The following ASIC1 variants were observed in gnomAD, a reference collection of about 807,000 sequenced individuals.
ASIC1 encodes the protein acid sensing ion channel subunit 1, also known as acid-sensing ion channel 1.
A neutral mutation model predicts 63.4 loss-of-function variants in ASIC1; 21 were observed. The ratio of observed to expected loss-of-function variants is 0.33; its 90% confidence interval spans 0.23 to 0.48. The LOEUF (loss-of-function observed/expected upper bound fraction) is 0.48, where lower values mean the gene tolerates loss of function less well. Ranked by LOEUF, ASIC1 falls within the 20% of genes least tolerant of loss-of-function variation. The pLI, the probability that ASIC1 is intolerant of heterozygous loss-of-function variation, is 0.99. For missense variants in ASIC1, 478 were observed against 695.5 expected (o/e 0.69, Z 3.52); for synonymous variants, 258 against 278.2 (o/e 0.93, Z 0.72).
chr12:50,077,489 C>A, intron 4 of ASIC1, 126 bp downstream of exon 4: 3 of 1,332,416 alleles, frequency 2.3e-6, no homozygotes, highest in Non-Finnish European at 3.1e-6. Context: ...CAGCATCTCA[C>A]CATCTCTATC....
chr12:50,073,615 T>C, intron 3 of ASIC1: 1 of 1,534,428 alleles, frequency 6.5e-7, no homozygotes, highest in Non-Finnish European at 8.7e-7. Flanking sequence ...CTCCATGTCA[T>C]TCTCCTCTGG....
At chr12:50,079,816 C>T in intron 7 of ASIC1, 86 bp from the exon 8 acceptor site, 1 of 1,468,348 alleles carries the variant, frequency 6.8e-7, no homozygotes, top group Non-Finnish European at 9.1e-7. Context: ...CCCAGAGTTT[C>T]TCTGGGCAGA....
At chr12:50,066,366 G>A (rs1261647341) in intron 3 of ASIC1, among the ~76,000 whole-genome samples, 1 of 152,156 alleles carries the variant, frequency 6.6e-6, no homozygotes, top group Non-Finnish European at 1.5e-5. Context: ...GTGGCTGTAG[G>A]AGTGTGTATG....
In ASIC1 at chr12:50,081,260, G is replaced by A. The variant is rs1362795589; in HGVS notation, c.1378G>A (p.Val460Ile). The A allele has an allele frequency of 3.7e-6, 6 of 1,607,694 alleles. No homozygotes were observed. The highest frequency in any genetic ancestry group is 1.3e-5 in the African/African-American group (1 of 74,956). The change falls in exon 11 of 12, where the codon GTC (valine) becomes ATC (isoleucine). Residue 460 changes from valine to isoleucine, a missense_variant and splice_region_variant. By Grantham distance (29) the Val-to-Ile change is conservative. This residue lies in a region of ASIC1 where 104 missense variants were observed against 97.0 expected (regional missense o/e 1.07). Transcript: ENST00000447966. ...VLELFDYAYEVIKHKLCRRGK... is the reference protein window; with the variant it reads ...VLELFDYAYEIIKHKLCRRGK... ...CCCACCTGCCCCGTCCCCGTCCTAGGTCATTAAGCACAAGCTGTGCCGACG... is the reference window on the plus strand; with the variant it reads ...CCCACCTGCCCCGTCCCCGTCCTAGATCATTAAGCACAAGCTGTGCCGACG...
rs940851941 is a variant in ASIC1, at chr12:50,070,009, G to A, written c.559-7204G>A. 3.9e-5 allele frequency among the ~76,000 whole-genome samples: 6 copies of A among 152,156 alleles called. No homozygotes were observed. In the South Asian group the frequency reaches 1.2e-3, roughly 31 times the overall value. On this transcript the variant is annotated intron_variant, in intron 3 of 11. Coordinates refer to ENST00000447966, the MANE Select transcript of ASIC1 (RefSeq NM_001095.4). ...TGCTTATTTCACTGGGTTGTGTGAGGATCCCATGAGATAACAATTGAAAAC... is the reference window on the plus strand; with the variant it reads ...TGCTTATTTCACTGGGTTGTGTGAGAATCCCATGAGATAACAATTGAAAAC...
chr12:50,073,590 C>T (rs761961064), intron 3 of ASIC1: 1 of 1,518,378 alleles, frequency 6.6e-7, no homozygotes, highest in South Asian at 1.2e-5. Flanking sequence ...AGAAAATGCC[C>T]ATCCAGATCT....
chr12:50,080,065 C>T lies in ASIC1; in HGVS notation c.1205+10C>T. 1.2e-6 allele frequency: 2 copies of T among 1,603,368 alleles called. No homozygotes were observed. Among genetic ancestry groups the T allele is most frequent in the African/African-American group, 1.3e-5 (1 of 74,644 alleles). On this transcript the variant is annotated intron_variant, in intron 8 of 11. Transcript: ENST00000447966. ...CTGAGCAATACATAGGGTAAGGGCTCTGGCTGGGTAGAGCAAGGCCCTTGG... is the reference window on the plus strand; with the variant it reads ...CTGAGCAATACATAGGGTAAGGGCTTTGGCTGGGTAGAGCAAGGCCCTTGG...
At chr12:50,061,705 C>T (rs1284518895) in intron 3 of ASIC1, among the ~76,000 whole-genome samples, 1 of 152,172 alleles carries the variant, frequency 6.6e-6, no homozygotes, top group Non-Finnish European at 1.5e-5. Flanking sequence ...TAAATTTGGG[C>T]ACAGTTAGTC....
At position 50,083,459 on chromosome 12, in the gene ASIC1, T is replaced by C. The variant is rs1950742169; in HGVS notation, c.*1810T>C. 6.6e-6 allele frequency: 1 copy of C among 152,656 alleles called. No individual in the cohort carries two copies. The highest frequency in any genetic ancestry group is 1.5e-5 in the Non-Finnish European group (1 of 68,088). 9.5% of individuals were successfully genotyped at this position (152,656 alleles called of 1,614,324 possible). On this transcript the variant is annotated 3_prime_UTR_variant, in exon 12 of 12. Coordinates refer to ENST00000447966, the MANE Select transcript of ASIC1 (RefSeq NM_001095.4). Reference sequence around the variant, plus strand: ...GCTGGAGAGTAAGGCTGTAGGATCTTTGGAATCTCTTGGTTCCTAAGAGTT... The same window carrying C: ...GCTGGAGAGTAAGGCTGTAGGATCTCTGGAATCTCTTGGTTCCTAAGAGTT...
At chr12:50,077,873 T>A in intron 4 of ASIC1, 127 bp from the exon 5 acceptor site, 1 of 1,410,636 alleles carries the variant, frequency 7.1e-7, no homozygotes, top group East Asian at 2.3e-5. Context: ...TAGGACCCTA[T>A]AGACTTCCCC....
At chr12:50,077,878 T>G in intron 4 of ASIC1, 122 bp from the exon 5 acceptor site, 1 of 1,441,132 alleles carries the variant, frequency 6.9e-7, no homozygotes, top group East Asian at 2.3e-5. Context: ...CCCTATAGAC[T>G]TCCCCCACCC....
At chr12:50,073,277 T>G (rs1345035999) in intron 3 of ASIC1, among the ~76,000 whole-genome samples, 1 of 152,140 alleles carries the variant, frequency 6.6e-6, no homozygotes, top group Admixed American at 6.5e-5. Context: ...CTGCCGGAGC[T>G]GGTGACAGGA....
chr12:50,078,473 C>T lies in ASIC1; in HGVS notation c.890C>T (p.Ser297Leu), dbSNP rs1376396929. 9.3e-6 allele frequency: 15 copies of T among 1,613,956 alleles called. No individual in the cohort carries two copies. Among genetic ancestry groups the T allele is most frequent in the East Asian group, 2.2e-5 (1 of 44,882 alleles). The change falls in exon 6 of 12, where the codon TCG becomes TTG. Residue 297 changes from serine (S) to leucine (L), a missense_variant. Transcript: ENST00000447966. This position sits in a 1 kb window ranked among gnomAD's most constrained non-coding sequence, Gnocchi z 6.0. ...ACCTGCAAAGCTGTTACCATGGACT[C>T]GGATTTGGATTTCTTCGACTCCTAC... ...WGTCKAVTMD[S>L]DLDFFDSYSI...
At chr12:50,071,025 C>T (rs910504825) in intron 3 of ASIC1, 1 of 152,306 alleles carries the variant, frequency 6.6e-6, no homozygotes, top group African/African-American at 2.4e-5. Context: ...TTACTCATAG[C>T]TGTAGGGCCT....
chr12:50,067,791 C>T (rs1446926119), intron 3 of ASIC1, among the ~76,000 whole-genome samples: 1 of 152,094 alleles, frequency 6.6e-6, no homozygotes, highest in Non-Finnish European at 1.5e-5. Context: ...TATGTCTACC[C>T]ACTCCTCTGT....
intron 3 of ASIC1, among the ~76,000 whole-genome samples, chr12:50,076,467 A>C (rs1320996023): frequency 3.5e-4 from 8 of 23,176 alleles, no homozygotes; most frequent in African/African-American, 5.3e-4. Context: ...ACTCCATCCC[A>C]AAAAAAAAAA....
chr12:50,078,390 C>T lies in ASIC1; in HGVS notation c.838-31C>T. On this transcript the variant is annotated intron_variant, in intron 5 of 11. Transcript: ENST00000447966. This position sits in a 1 kb window ranked among gnomAD's most constrained non-coding sequence, Gnocchi z 6.0. ...AAGCTGATTTGGGGAGAAGTCCCCGCACTCCCCCAGCTCCCCGGCTCTCCC... is the reference window on the plus strand; with the variant it reads ...AAGCTGATTTGGGGAGAAGTCCCCGTACTCCCCCAGCTCCCCGGCTCTCCC... The T allele has an allele frequency of 6.2e-7, 1 of 1,611,900 alleles. No individual in the cohort carries two copies. The highest frequency in any genetic ancestry group is 8.5e-7 in the Non-Finnish European group (1 of 1,178,622).
chr12:50,064,089 A>G (rs546891816), intron 3 of ASIC1, among the ~76,000 whole-genome samples: 1 of 152,268 alleles, frequency 6.6e-6, no homozygotes, highest in African/African-American at 2.4e-5. Context: ...GGAAGGGGGA[A>G]CATGCACAGA....
intron 3 of ASIC1, among the ~76,000 whole-genome samples, chr12:50,064,350 A>G (rs1423895868): frequency 1.3e-5 from 2 of 152,134 alleles, no homozygotes; most frequent in African/African-American, 2.4e-5. Flanking sequence ...TTGGGGTCTC[A>G]GATGTCTCCT....
Sources: allele counts gnomAD v4.1 joint callset (sites outside exome capture counted in the v4.1 genomes callset), GRCh38; gene constraint gnomAD v4.1.1; regional missense constraint gnomAD v4.1.1; non-coding constraint Gnocchi (gnomAD v3.1); transcripts MANE v1.5; gene names NCBI Gene and HGNC (gene_info 2026-07-23, HGNC 2026-07-21).